The following NALF2 variants were observed in gnomAD, a reference collection of about 807,000 sequenced individuals.
The protein encoded by NALF2 is NALCN channel auxiliary factor 2.
A neutral mutation model predicts 24.8 loss-of-function variants in NALF2; 1 was observed. The ratio of observed to expected loss-of-function variants is 0.04; its 90% CI spans 0.01 to 0.19. The LOEUF (loss-of-function observed/expected upper bound fraction) is 0.19, where lower values mean the gene tolerates loss of function less well. Among genes scored for constraint, NALF2 ranks in the 10% least tolerant of loss-of-function variants. NALF2 has a pLI of 1.00. For missense variants in NALF2, 458 were observed against 409.6 expected (o/e 1.12, Z -1.02); for synonymous variants, 254 against 189.8 (o/e 1.34, Z -2.78).
In NALF2 at chrX:69,530,891, C is replaced by G. The variant is rs1331345992; in HGVS notation, c.*935C>G. 1 of 112,941 alleles carries G rather than the reference C, an allele frequency of 8.9e-6. No homozygotes were observed. Among genetic ancestry groups the G allele is most frequent in the Admixed American group, 9.3e-5 (1 of 10,753 alleles). The allele number at this position is 112,941 out of a possible 1,213,427, so 9.3% of individuals were successfully genotyped here. On this transcript the variant is annotated 3_prime_UTR_variant, in exon 3 of 3. Coordinates refer to ENST00000252338, the MANE Select transcript of NALF2 (RefSeq NM_015686.3). ...TATCTTACAGAAGGTGCACATACTC[C>G]CAAGGGCCACTCTTGCCCTGGAGAT...
At position 69,532,238 on chromosome X, in the gene NALF2, T is replaced by C. The variant is rs1343209517; in HGVS notation, c.*2282T>C. On this transcript the variant is annotated 3_prime_UTR_variant, in exon 3 of 3. Transcript: ENST00000252338. ...ACAGCAGAGCCGGGCAGCTTTCTTATGCCATTTTCTACACTGTGCTTCATG... is the reference window on the plus strand; with the variant it reads ...ACAGCAGAGCCGGGCAGCTTTCTTACGCCATTTTCTACACTGTGCTTCATG... The C allele has an allele frequency of 8.9e-6, 1 of 112,682 alleles. No individual in the cohort carries two copies. Among genetic ancestry groups the C allele is most frequent in the Non-Finnish European group, 1.9e-5 (1 of 53,205 alleles). 9.3% of individuals were successfully genotyped at this position (112,682 alleles called of 1,213,427 possible).
intron 1 of NALF2, among the ~76,000 whole-genome samples, chrX:69,523,641 A>C (rs1455599001): frequency 8.9e-6 from 1 of 112,208 alleles, no homozygotes; most frequent in Non-Finnish European, 1.9e-5. Context: ...GATTGAGCCC[A>C]GCAGTGGCCC....
At chrX:69,527,576 C>T (rs1320714303) in intron 1 of NALF2, among the ~76,000 whole-genome samples, 2 of 112,226 alleles carry the variant, frequency 1.8e-5, no homozygotes, top group Non-Finnish European at 3.8e-5. Context: ...AGCCCACCTC[C>T]GTCCTCTTGA....
chrX:69,522,718 AC>A (rs1234245221), intron 1 of NALF2, among the ~76,000 whole-genome samples: 1 of 111,705 alleles, frequency 9.0e-6, no homozygotes, highest in Non-Finnish European at 1.9e-5. Flanking sequence ...ACTGATTTTG[AC>A]CTAACCCTGT....
intron 1 of NALF2, among the ~76,000 whole-genome samples, chrX:69,527,367 A>G (rs1930823318): frequency 8.9e-6 from 1 of 112,103 alleles, no homozygotes; most frequent in Admixed American, 9.4e-5. Context: ...ACCCACTAGT[A>G]CCTCCCTGCT....
In NALF2 at chrX:69,530,857, G is replaced by C. The variant is rs1930894214; in HGVS notation, c.*901G>C. 1 of 113,003 alleles carries C rather than the reference G, an allele frequency of 8.8e-6. No individual in the cohort carries two copies. The highest frequency in any genetic ancestry group is 2.8e-4 in the East Asian group (1 of 3,584). The allele number at this position is 113,003 out of a possible 1,213,427, so 9.3% of individuals were successfully genotyped here. A position where few individuals can be genotyped will look rare whatever the true frequency, so the allele number is the denominator to read the frequency against. ...GCACATGGTTAGACTGCCGCTGTCT[G>C]AAGGACCATATCTTACAGAAGGTGC... On this transcript the variant is annotated 3_prime_UTR_variant, in exon 3 of 3. Transcript: ENST00000252338.
intron 1 of NALF2, among the ~76,000 whole-genome samples, chrX:69,508,768 A>G (rs758665354): frequency 3.4e-4 from 38 of 111,987 alleles, no homozygotes; most frequent in Non-Finnish European, 6.0e-4. Context: ...CTGGGCTCCA[A>G]GCCCTCCTGT....
rs1239165199 is a variant in NALF2, at chrX:69,531,209, A to G, written c.*1253A>G. 2.7e-5 allele frequency: 3 copies of G among 113,012 alleles called. No homozygotes were observed. The highest frequency in any genetic ancestry group is 5.6e-5 in the Non-Finnish European group (3 of 53,318). The allele number at this position is 113,012 out of a possible 1,213,427, so 9.3% of individuals were successfully genotyped here. ...ACACCCATACTCCTCTTCACCCTGT[A>G]GCAGGGTCTTCTGCTCCAGTCACCC... On this transcript the variant is annotated 3_prime_UTR_variant, in exon 3 of 3. Coordinates refer to ENST00000252338, the MANE Select transcript of NALF2 (RefSeq NM_015686.3).
intron 2 of NALF2, 121 bp downstream of exon 2, chrX:69,529,285 G>A (rs1930858080): frequency 1.2e-6 from 1 of 851,247 alleles, no homozygotes; most frequent in Non-Finnish European, 1.6e-6. Context: ...CCAGTGGCTG[G>A]ACGAATGGGC....
chrX:69,527,903 G>T (rs1930830856), intron 1 of NALF2, among the ~76,000 whole-genome samples: 1 of 112,094 alleles, frequency 8.9e-6, no homozygotes, highest in African/African-American at 3.2e-5. Flanking sequence ...ACCTAGATCA[G>T]TGGATCAGTG....
Position 69,529,575 on chromosome X carries a change from G to A in NALF2, c.1038G>A (p.Leu346=), listed in dbSNP as rs1418706323. ...ACCTTCCTTATCCATTGGCAGGGTT[G>A]CTGGATACTTCACCAAAGCGTCTGG... ...GGLPGFICTG[L]LDTSPKRLET... The change falls in exon 3 of 3, where the codon TTG becomes TTA. Residue 346 remains leucine (L), a synonymous_variant. Transcript: ENST00000252338. 2 of 1,206,779 alleles carry A rather than the reference G, an allele frequency of 1.7e-6. No individual in the cohort carries two copies. Among genetic ancestry groups the A allele is most frequent in the Admixed American group, 4.4e-5 (2 of 45,819 alleles).
chrX:69,511,036 A>G (rs890596287), intron 1 of NALF2, among the ~76,000 whole-genome samples: 3 of 107,916 alleles, frequency 2.8e-5, no homozygotes, highest in African/African-American at 1.0e-4. Context: ...CAATGACCCT[A>G]CAACCTTCCC....
chrX:69,505,143 C>A lies in NALF2; in HGVS notation c.-140C>A. On this transcript the variant is annotated 5_prime_UTR_variant, in exon 1 of 3. Transcript: ENST00000252338. ...CGGCCTGAGCGGGGCATCGCGCCGGCCGGCCTGCCTCACCATGCAGCCCCC... is the reference window on the plus strand; with the variant it reads ...CGGCCTGAGCGGGGCATCGCGCCGGACGGCCTGCCTCACCATGCAGCCCCC... 1.9e-6 allele frequency: 1 copy of A among 523,228 alleles called. No individual in the cohort carries two copies. The highest frequency in any genetic ancestry group is 2.8e-6 in the Non-Finnish European group (1 of 362,198). 43.1% of individuals were successfully genotyped at this position (523,228 alleles called of 1,213,427 possible).
chrX:69,516,976 A>G (rs1930671329), intron 1 of NALF2, among the ~76,000 whole-genome samples: 1 of 112,038 alleles, frequency 8.9e-6, no homozygotes, highest in Non-Finnish European at 1.9e-5. Context: ...CACGCCTCCC[A>G]TCCAGACATA....
rs1401030744 is a variant in NALF2 at position 69,505,492 on chromosome X, G to A, written c.210G>A (p.Arg70=). The A allele has an allele frequency of 1.8e-6, 2 of 1,082,779 alleles. No homozygotes were observed. Among genetic ancestry groups the A allele is most frequent in the East Asian group, 3.9e-5 (1 of 25,780 alleles). The allele number at this position is 1,082,779 out of a possible 1,213,427, so 89.2% of individuals were successfully genotyped here. Residue 70 remains arginine, a synonymous_variant, in exon 1 of 3, where the codon CGG becomes CGA. Transcript: ENST00000252338. The part of the protein sequence containing the change: ...HLWLCAGARP[R]ARELSSAMRP... Reference sequence around the variant, plus strand: ...GGCTGTGCGCGGGGGCCCGGCCCCGGGCCAGGGAGCTGAGCAGCGCCATGC... The same window carrying A: ...GGCTGTGCGCGGGGGCCCGGCCCCGAGCCAGGGAGCTGAGCAGCGCCATGC...
At position 69,530,061 on chromosome X, in the gene NALF2, G is replaced by A. The variant is rs1018032043; in HGVS notation, c.*105G>A. The A allele has an allele frequency of 3.4e-6, 2 of 581,509 alleles. No individual in the cohort carries two copies. The highest frequency in any genetic ancestry group is 4.7e-5 in the African/African-American group (2 of 42,588). 47.9% of individuals were successfully genotyped at this position (581,509 alleles called of 1,213,427 possible). The stretch of plus-strand genomic sequence containing the variant: ...CATGGGAGGTGTAGGATAAGGTGGG[G>A]GCGGGGGAAATGGGGGAATGACACA... On this transcript the variant is annotated 3_prime_UTR_variant, in exon 3 of 3. Transcript: ENST00000252338.
At chrX:69,526,189 T>G (rs1930805745) in intron 1 of NALF2, among the ~76,000 whole-genome samples, 1 of 111,774 alleles carries the variant, frequency 8.9e-6, no homozygotes, top group Non-Finnish European at 1.9e-5. Flanking sequence ...CTCTGTTCTC[T>G]TAACACACCA....
Position 69,531,288 on chromosome X carries a change from G to T in NALF2, c.*1332G>T, listed in dbSNP as rs1042815241. ...CTGGCAAGAAGACCCTTTGACTAAAGATAATGTGCTGTCATATCTTGGCTG... is the reference window on the plus strand; with the variant it reads ...CTGGCAAGAAGACCCTTTGACTAAATATAATGTGCTGTCATATCTTGGCTG... On this transcript the variant is annotated 3_prime_UTR_variant, in exon 3 of 3. Transcript: ENST00000252338. The T allele has an allele frequency of 1.4e-4, 16 of 113,007 alleles. No homozygotes were observed. Among genetic ancestry groups the T allele is most frequent in the Non-Finnish European group, 2.4e-4 (13 of 53,357 alleles). 9.3% of individuals were successfully genotyped at this position (113,007 alleles called of 1,213,427 possible).
At chrX:69,510,610 C>T (rs1258192627) in intron 1 of NALF2, among the ~76,000 whole-genome samples, 1 of 111,871 alleles carries the variant, frequency 8.9e-6, no homozygotes, top group Non-Finnish European at 1.9e-5. Context: ...CAGAGAGGTA[C>T]CCTGGTCCCT....
Sources: gnomAD v4.1 joint callset for allele counts (sites outside exome capture counted in the v4.1 genomes callset) on GRCh38, gnomAD v4.1.1 for gene constraint, MANE v1.5 for transcripts, NCBI Gene and HGNC (gene_info 2026-07-23, HGNC 2026-07-21) for gene names.